Variants in PTBP3 observed in about 807,000 individuals in gnomAD.
PTBP3 encodes polypyrimidine tract-binding protein 3.
Under a neutral mutation model 58.7 loss-of-function variants are expected in PTBP3, and 20 were observed. The observed-to-expected ratio is 0.34, with a 90% CI of 0.24 to 0.50. The LOEUF is 0.50. Ranked by LOEUF, PTBP3 falls within the 20% of genes least tolerant of loss-of-function variation. PTBP3 has a pLI of 0.98. For synonymous variants in PTBP3, 185 were observed against 219.8 expected (o/e 0.84, Z 1.40); for missense variants, 509 against 637.2 (o/e 0.80, Z 2.17).
intron 5 of PTBP3, among the ~76,000 whole-genome samples, chr9:112,257,940 C>CA (rs56934009): frequency 0.018 from 2,168 of 118,204 alleles, 37 homozygotes; most frequent in Middle Eastern, 0.032. Context: ...GACTCCATCT[C>CA]AAAAAAAAAA....
At chr9:112,225,568 T>C (rs113417082) in intron 12 of PTBP3, among the ~76,000 whole-genome samples, 1 of 152,324 alleles carries the variant, frequency 6.6e-6, no homozygotes, top group African/African-American at 2.4e-5. Context: ...AAAACTGTAA[T>C]TTTTAAATTA....
chr9:112,357,374 A>C, the PTBP3 span, among the ~76,000 whole-genome samples: 1 of 151,964 alleles, frequency 6.6e-6, no homozygotes, highest in Admixed American at 6.6e-5. Context: ...TTTTCTGAGC[A>C]GGGTCTTGCT....
chr9:112,329,903 G>A (rs1477961310), intron 1 of PTBP3, among the ~76,000 whole-genome samples: 1 of 147,844 alleles, frequency 6.8e-6, no homozygotes, highest in Non-Finnish European at 1.5e-5. Flanking sequence ...CTGGAGTGCA[G>A]TGACACGGTC....
At chr9:112,333,354 C>G in intron 1 of PTBP3, 116 bp downstream of exon 1, 3 of 1,223,354 alleles carry the variant, frequency 2.5e-6, no homozygotes, top group South Asian at 4.9e-5. Context: ...GCCGGGGCCG[C>G]TCCTCCGGCC....
the PTBP3 span, among the ~76,000 whole-genome samples, chr9:112,378,692 A>G: frequency 6.6e-6 from 1 of 152,210 alleles, no homozygotes. Context: ...CACACTGGCT[A>G]CTCATACCTC....
chr9:112,290,739 A>ACACACAC (rs1398984829), intron 2 of PTBP3, among the ~76,000 whole-genome samples: 4 of 93,728 alleles, frequency 4.3e-5, no homozygotes, highest in East Asian at 3.0e-4. Flanking sequence ...CACACACACA[A>ACACACAC]TCAAGTGTTG....
intron 1 of PTBP3, among the ~76,000 whole-genome samples, chr9:112,313,854 T>C (rs1416881548): frequency 2.0e-5 from 3 of 152,032 alleles, no homozygotes; most frequent in African/African-American, 4.8e-5. Flanking sequence ...GGAAAAGGAA[T>C]AGGAAAAAAA....
At chr9:112,366,281 C>A in the PTBP3 span, among the ~76,000 whole-genome samples, 2 of 147,736 alleles carry the variant, frequency 1.4e-5, no homozygotes, top group Non-Finnish European at 3.0e-5. Context: ...GACTCTGTCT[C>A]AAAAAAAAAA....
At chr9:112,374,739 G>A in the PTBP3 span, among the ~76,000 whole-genome samples, 1 of 152,208 alleles carries the variant, frequency 6.6e-6, no homozygotes, top group Non-Finnish European at 1.5e-5. Flanking sequence ...AGTGGATAAG[G>A]CATTCTGTGA....
intron 7 of PTBP3, among the ~76,000 whole-genome samples, chr9:112,246,799 C>A (rs1835897475): frequency 6.6e-6 from 1 of 151,996 alleles, no homozygotes; most frequent in Non-Finnish European, 1.5e-5. Context: ...AGTAACATTA[C>A]AGGGAAGAAA....
chr9:112,329,939 G>A (rs545822252), intron 1 of PTBP3, among the ~76,000 whole-genome samples: 37 of 148,272 alleles, frequency 2.5e-4, no homozygotes, highest in African/African-American at 8.7e-4. Flanking sequence ...TTGACTTCCC[G>A]GGCTCAGGTG....
intron 8 of PTBP3, 101 bp from the exon 9 acceptor site, chr9:112,232,339 GA>G: frequency 1.6e-6 from 2 of 1,213,196 alleles, no homozygotes; most frequent in Non-Finnish European, 2.3e-6. Flanking sequence ...ACTACAGAAA[GA>G]AAATGTGTCA....
chr9:112,288,651 T>C (rs1177301862), intron 2 of PTBP3, among the ~76,000 whole-genome samples: 2 of 152,244 alleles, frequency 1.3e-5, no homozygotes, highest in African/African-American at 4.8e-5. Flanking sequence ...TCCCAGTTAC[T>C]CTATCATGGT....
In PTBP3 at chr9:112,307,497, C is replaced by T. The variant is rs537589799; in HGVS notation, c.-51-9581G>A. Among the ~76,000 whole-genome samples, 7 of 152,010 alleles carry T rather than the reference C, an allele frequency of 4.6e-5. No individual in the cohort carries two copies. In the East Asian group the frequency reaches 7.7e-4, roughly 17 times the overall value. ...TAAATAAGATCATAAAGTTTCATTCCGGGAAATGTTTTATCATTCTTTATA... is the reference window on the plus strand; with the variant it reads ...TAAATAAGATCATAAAGTTTCATTCTGGGAAATGTTTTATCATTCTTTATA... On this transcript the variant is annotated intron_variant, in intron 1 of 13. Coordinates refer to ENST00000374257, the MANE Select transcript of PTBP3 (RefSeq NM_001163788.4).
At chr9:112,252,812 T>A (rs748733309) in intron 5 of PTBP3, 24 bp from the exon 6 acceptor site, 1 of 1,327,540 alleles carries the variant, frequency 7.5e-7, no homozygotes, top group Admixed American at 1.8e-5. Context: ...CACATTAGGT[T>A]AAATGTAAAA....
intron 2 of PTBP3, among the ~76,000 whole-genome samples, chr9:112,297,250 G>A (rs560597802): frequency 2.6e-4 from 40 of 152,248 alleles, no homozygotes; most frequent in African/African-American, 9.2e-4. Context: ...TGTCCCCCAG[G>A]CTGAAGTGCA....
At chr9:112,263,311 C>T (rs764688427) in intron 4 of PTBP3, among the ~76,000 whole-genome samples, 1 of 152,148 alleles carries the variant, frequency 6.6e-6, no homozygotes, top group Non-Finnish European at 1.5e-5. Flanking sequence ...AGTGTATTTA[C>T]ATAGTCTTAA....
chr9:112,333,885 C>A (rs1830499774), upstream of PTBP3, among the ~76,000 whole-genome samples: 1 of 148,844 alleles, frequency 6.7e-6, no homozygotes, highest in Non-Finnish European at 1.5e-5. Context: ...CAGCCTCCCT[C>A]CTGCGTTCGC....
intron 1 of PTBP3, among the ~76,000 whole-genome samples, chr9:112,331,986 G>A (rs1250619290): frequency 1.3e-5 from 2 of 152,154 alleles, no homozygotes; most frequent in Non-Finnish European, 2.9e-5. Context: ...TAAATTCACA[G>A]CCTGCCTGAA....
Sources: gnomAD v4.1 joint callset for allele counts (sites outside exome capture counted in the v4.1 genomes callset) on GRCh38, gnomAD v4.1.1 for gene constraint, MANE v1.5 for transcripts, NCBI Gene and HGNC (gene_info 2026-07-23, HGNC 2026-07-21) for gene names.